The following FSTL5 variants were observed in gnomAD, a reference collection of about 807,000 sequenced individuals.
FSTL5 encodes the protein follistatin-related protein 5.
In FSTL5, 62 loss-of-function variants were observed where a neutral mutation model predicts 89.1. That is an observed-to-expected ratio of 0.70 (90% CI 0.57 to 0.86). The LOEUF is 0.86. FSTL5 is among the 40% of genes least tolerant of loss of function. The pLI, the probability that FSTL5 is intolerant of heterozygous loss-of-function variation, is 0.00. For missense variants in FSTL5, 1,057 were observed against 1,001.6 expected (o/e 1.06, Z -0.75); for synonymous variants, 383 against 346.2 (o/e 1.11, Z -1.18).
chr4:161,890,872 C>T (rs539224362), intron 4 of FSTL5, among the ~76,000 whole-genome samples: 1 of 152,156 alleles, frequency 6.6e-6, no homozygotes, highest in South Asian at 2.1e-4. Flanking sequence ...CCATTTATCT[C>T]TTTCTCCCCA....
intron 10 of FSTL5, among the ~76,000 whole-genome samples, chr4:161,523,998 G>A (rs1488888041): frequency 6.6e-6 from 1 of 152,112 alleles, no homozygotes; most frequent in Non-Finnish European, 1.5e-5. Context: ...TTTAACCTGA[G>A]AGGCTGTTTC....
At chr4:162,143,086 TAA>T (rs1226742048) in intron 1 of FSTL5, among the ~76,000 whole-genome samples, 1 of 152,128 alleles carries the variant, frequency 6.6e-6, no homozygotes. Flanking sequence ...AGCAATATCT[TAA>T]GAGAGATACC....
chr4:161,774,772 T>G (rs1021737857), intron 5 of FSTL5, among the ~76,000 whole-genome samples: 1 of 100,522 alleles, frequency 9.9e-6, no homozygotes, highest in Non-Finnish European at 1.7e-5. Flanking sequence ...TAACTAGTTA[T>G]TTATTCTTAT....
chr4:161,835,843 T>G (rs375245707), intron 4 of FSTL5, among the ~76,000 whole-genome samples: 13,534 of 150,596 alleles, frequency 0.09, 715 homozygotes, highest in African/African-American at 0.16. Flanking sequence ...GGAACACTTT[T>G]ACACTGTTGG....
intron 12 of FSTL5, among the ~76,000 whole-genome samples, chr4:161,483,537 C>T (rs539038783): frequency 6.6e-6 from 1 of 152,314 alleles, no homozygotes; most frequent in South Asian, 2.1e-4. Flanking sequence ...CTTGACCAGA[C>T]TTACAAGCAT....
chr4:162,109,761 AAC>A (rs1731364219), intron 2 of FSTL5, among the ~76,000 whole-genome samples: 1 of 152,074 alleles, frequency 6.6e-6, no homozygotes, highest in South Asian at 2.1e-4. Flanking sequence ...GATTTAATTA[AAC>A]AGTGTCTCTT....
rs541798234 is a variant in FSTL5, at chr4:161,850,492, G to A, written c.409+69912C>T. Among the ~76,000 whole-genome samples, 3 of 142,010 alleles carry A rather than the reference G, an allele frequency of 2.1e-5. No individual in the cohort carries two copies. The East Asian group carries it at 8.0e-4, about 38-fold the overall frequency. The allele number at this position is 142,010 out of a possible 152,430, so 93.2% of individuals were successfully genotyped here. On this transcript the variant is annotated intron_variant, in intron 4 of 15. Coordinates refer to ENST00000306100, the MANE Select transcript of FSTL5 (RefSeq NM_020116.5). ...TACGTGTGTGCTTGTGCATGTGCAG[G>A]TGTGCGTATGCTGGGTGAGGGCAAA...
At chr4:161,872,374 T>C (rs1315681289) in intron 4 of FSTL5, among the ~76,000 whole-genome samples, 2 of 152,164 alleles carry the variant, frequency 1.3e-5, no homozygotes, top group Non-Finnish European at 2.9e-5. Flanking sequence ...ATAAAATATA[T>C]TGAGTTTTAG....
chr4:161,469,137 C>T (rs72616790), intron 13 of FSTL5, among the ~76,000 whole-genome samples: 34,373 of 151,936 alleles, frequency 0.23, 4,541 homozygotes, highest in East Asian at 0.46. Flanking sequence ...ATTATTTTCA[C>T]TACTCTAATT....
At chr4:162,110,758 A>G (rs768912282) in intron 2 of FSTL5, among the ~76,000 whole-genome samples, 4 of 151,674 alleles carry the variant, frequency 2.6e-5, no homozygotes, top group Non-Finnish European at 5.9e-5. Context: ...ATTTAACATA[A>G]AAAGTGGAGT....
At chr4:162,044,719 T>G (rs2111236191) in intron 2 of FSTL5, among the ~76,000 whole-genome samples, 1 of 152,316 alleles carries the variant, frequency 6.6e-6, no homozygotes, top group Admixed American at 6.5e-5. Flanking sequence ...TTATCTTAGG[T>G]TTTCTTAATA....
intron 7 of FSTL5, among the ~76,000 whole-genome samples, chr4:161,599,855 T>G (rs1734162804): frequency 6.6e-6 from 1 of 152,050 alleles, no homozygotes; most frequent in Non-Finnish European, 1.5e-5. Flanking sequence ...AAAATATAGG[T>G]GTCATTGTGC....
At chr4:162,006,290 T>G (rs929361050) in intron 3 of FSTL5, among the ~76,000 whole-genome samples, 3 of 151,966 alleles carry the variant, frequency 2.0e-5, no homozygotes, top group Non-Finnish European at 4.4e-5. Context: ...ACTTTCCCTG[T>G]TTTATTCTAA....
At chr4:162,014,071 T>C (rs1012611000) in intron 3 of FSTL5, among the ~76,000 whole-genome samples, 3 of 152,148 alleles carry the variant, frequency 2.0e-5, no homozygotes, top group Non-Finnish European at 4.4e-5. Context: ...GGCTCTCCAG[T>C]GCAGTCTGTG....
chr4:161,593,963 C>A (rs1733920044), intron 7 of FSTL5, among the ~76,000 whole-genome samples: 1 of 152,050 alleles, frequency 6.6e-6, no homozygotes, highest in South Asian at 2.1e-4. Context: ...AAAGGCTGTA[C>A]CTCACGTGAA....
chr4:161,616,066 T>A (rs1008238868), intron 7 of FSTL5, among the ~76,000 whole-genome samples: 1 of 100,712 alleles, frequency 9.9e-6, no homozygotes, highest in Non-Finnish European at 2.2e-5. Flanking sequence ...TTCTGAGTGT[T>A]TTTTTTTTCT....
chr4:162,130,172 T>A (rs536237461), intron 1 of FSTL5, among the ~76,000 whole-genome samples: 61 of 152,286 alleles, frequency 4.0e-4, no homozygotes, highest in African/African-American at 1.5e-3. Context: ...ATCATGTGTC[T>A]GAAAGTGGAA....
At chr4:161,880,287 A>G (rs1438169269) in intron 4 of FSTL5, among the ~76,000 whole-genome samples, 1 of 151,998 alleles carries the variant, frequency 6.6e-6, no homozygotes, top group Non-Finnish European at 1.5e-5. Flanking sequence ...AAGAAAATTA[A>G]TATTAATATT....
chr4:161,846,077 G>T (rs972213604), intron 4 of FSTL5, among the ~76,000 whole-genome samples: 1 of 151,694 alleles, frequency 6.6e-6, no homozygotes, highest in Non-Finnish European at 1.5e-5. Flanking sequence ...TGAATTGTGT[G>T]TGTATTTGTG....
Sources: gnomAD v4.1 joint callset for allele counts (sites outside exome capture counted in the v4.1 genomes callset) on GRCh38, gnomAD v4.1.1 for gene constraint, MANE v1.5 for transcripts, NCBI Gene and HGNC (gene_info 2026-07-23, HGNC 2026-07-21) for gene names.